Variants in SBF2 observed in about 807,000 individuals in gnomAD.
SBF2 encodes SET binding factor 2, also known as myotubularin-related protein 13.
Under a neutral mutation model 225.2 loss-of-function variants are expected in SBF2, and 112 were observed. The observed-to-expected ratio is 0.50, with a 90% CI of 0.43 to 0.58. The LOEUF is 0.58. Among genes scored for constraint, SBF2 ranks in the 20% least tolerant of loss-of-function variants. The probability of loss-of-function intolerance (pLI) is 0.00; values close to 1 mark genes in which losing one functional copy is unlikely to be tolerated. For synonymous variants in SBF2, 763 were observed against 773.3 expected, an observed-to-expected ratio of 0.99 and a Z score of 0.22; for missense variants, 1,996 against 2,206.2, an observed-to-expected ratio of 0.90 and a Z score of 1.91.
intron 2 of SBF2, among the ~76,000 whole-genome samples, chr11:10,112,464 C>T (rs1032756044): frequency 1.3e-5 from 2 of 152,210 alleles, no homozygotes; most frequent in Non-Finnish European, 2.9e-5. Context: ...TCCTCCTTGC[C>T]TTCCGCCATG....
At chr11:9,801,536 T>C (rs2133883897) in intron 32 of SBF2, among the ~76,000 whole-genome samples, 1 of 152,326 alleles carries the variant, frequency 6.6e-6, no homozygotes, top group African/African-American at 2.4e-5. Context: ...AGAGACACTA[T>C]ACATCAACAC....
chr11:9,797,583 G>GT (rs1853203198), intron 32 of SBF2, among the ~76,000 whole-genome samples: 1 of 152,194 alleles, frequency 6.6e-6, no homozygotes, highest in South Asian at 2.1e-4. Flanking sequence ...TTGTAGAACT[G>GT]TAAGCATTTG....
intron 2 of SBF2, among the ~76,000 whole-genome samples, chr11:10,068,358 G>A (rs185950301): frequency 2.2e-4 from 33 of 152,262 alleles, no homozygotes; most frequent in South Asian, 1.7e-3. Context: ...CTAGCCCTCT[G>A]GCTAAGGGTC....
intron 16 of SBF2, among the ~76,000 whole-genome samples, chr11:9,940,824 A>G (rs1865209575): frequency 6.6e-6 from 1 of 152,182 alleles, no homozygotes; most frequent in South Asian, 2.1e-4. Flanking sequence ...GAATGGAAAT[A>G]ATAAAGATAG....
intron 17 of SBF2, among the ~76,000 whole-genome samples, chr11:9,895,033 G>A (rs1861126386): frequency 6.6e-6 from 1 of 152,112 alleles, no homozygotes; most frequent in Non-Finnish European, 1.5e-5. Flanking sequence ...TCAAATTACT[G>A]GTGTGGTTTC....
At chr11:10,069,102 C>T (rs887956285) in intron 2 of SBF2, among the ~76,000 whole-genome samples, 7 of 152,086 alleles carry the variant, frequency 4.6e-5, no homozygotes, top group Admixed American at 1.3e-4. Context: ...TACAATGAAA[C>T]CCATTTACCC....
chr11:10,257,665 A>AG (rs1960984054), intron 1 of SBF2, among the ~76,000 whole-genome samples: 1 of 45,932 alleles, frequency 2.2e-5, no homozygotes, highest in Non-Finnish European at 7.1e-5. Context: ...GCCTTGCCTC[A>AG]AAAAAAAAAA....
At chr11:10,116,062 G>A (rs1236065148) in intron 2 of SBF2, among the ~76,000 whole-genome samples, 10 of 152,118 alleles carry the variant, frequency 6.6e-5, no homozygotes, top group African/African-American at 1.2e-4. Flanking sequence ...CCAGCTACTC[G>A]GGAGGCTGAG....
chr11:10,090,380 G>A lies in SBF2; in HGVS notation c.142-47399C>T, dbSNP rs551349348. Among the ~76,000 whole-genome samples the A allele has an allele frequency of 1.4e-4, 22 of 152,296 alleles. No individual in the cohort carries two copies. The South Asian group carries it at 4.4e-3, about 30-fold the overall frequency. On this transcript the variant is annotated intron_variant, in intron 2 of 39. Coordinates refer to ENST00000256190, the MANE Select transcript of SBF2 (RefSeq NM_030962.4). ...CAGTTATATAAACTTAGTGAAGGAA[G>A]AGTTGACAGGTCTCACCCAAACACT...
At chr11:9,900,871 G>C (rs1040962500) in intron 16 of SBF2, among the ~76,000 whole-genome samples, 3 of 152,036 alleles carry the variant, frequency 2.0e-5, no homozygotes, top group African/African-American at 4.8e-5. Flanking sequence ...CAAGTAGTTG[G>C]GACTACAGGC....
At chr11:10,002,725 T>G in intron 6 of SBF2, 36 bp from the exon 7 acceptor site, 1 of 1,593,084 alleles carries the variant, frequency 6.3e-7, no homozygotes, top group Non-Finnish European at 8.6e-7. Context: ...CAAATGCATT[T>G]AATTTTATAT....
intron 2 of SBF2, among the ~76,000 whole-genome samples, chr11:10,094,594 C>T (rs1271482982): frequency 1.4e-5 from 2 of 139,208 alleles, no homozygotes; most frequent in East Asian, 2.2e-4. Flanking sequence ...TCTCTGCCTC[C>T]GAGGTTCAAG....
intron 2 of SBF2, among the ~76,000 whole-genome samples, chr11:10,071,572 C>T (rs1218464340): frequency 1.3e-5 from 2 of 152,034 alleles, no homozygotes; most frequent in East Asian, 1.9e-4. Context: ...GGCCATTGTG[C>T]CAGTTTTCAA....
chr11:9,999,667 C>T (rs1947866728), intron 8 of SBF2, among the ~76,000 whole-genome samples: 2 of 152,034 alleles, frequency 1.3e-5, no homozygotes, highest in Non-Finnish European at 2.9e-5. Context: ...ATGTACAAAC[C>T]AGGTGGATAT....
intron 1 of SBF2, among the ~76,000 whole-genome samples, chr11:10,252,529 C>T (rs1013690793): frequency 6.6e-6 from 1 of 152,208 alleles, no homozygotes; most frequent in African/African-American, 2.4e-5. Flanking sequence ...GCTGGCCGGG[C>T]GCGGTGGCTC....
chr11:9,912,660 C>T (rs1862739050), intron 16 of SBF2, among the ~76,000 whole-genome samples: 1 of 152,208 alleles, frequency 6.6e-6, no homozygotes, highest in Non-Finnish European at 1.5e-5. Context: ...AATTCTTCTT[C>T]CAATGTGGCC....
At chr11:10,295,728 C>T (rs918750554), upstream of SBF2, among the ~76,000 whole-genome samples, 2 of 152,016 alleles carry the variant, frequency 1.3e-5, no homozygotes, top group African/African-American at 2.4e-5. Flanking sequence ...GTTTAACAGC[C>T]CTATTGTTAG....
chr11:9,961,036 G>A (rs1866534263), intron 16 of SBF2: 1 of 152,076 alleles, frequency 6.6e-6, no homozygotes, highest in Non-Finnish European at 1.5e-5. Flanking sequence ...TTTTCTTTAG[G>A]AGTATATTGG....
chr11:9,940,267 T>C (rs1865173414), intron 16 of SBF2, among the ~76,000 whole-genome samples: 1 of 152,124 alleles, frequency 6.6e-6, no homozygotes, highest in African/African-American at 2.4e-5. Flanking sequence ...TAGCCGGGCA[T>C]GGTGGCGGGC....
Sources: gnomAD v4.1 joint callset for allele counts (sites outside exome capture counted in the v4.1 genomes callset) on GRCh38, gnomAD v4.1.1 for gene constraint, MANE v1.5 for transcripts, NCBI Gene and HGNC (gene_info 2026-07-23, HGNC 2026-07-21) for gene names.